Variants in IL36A observed in about 807,000 individuals in gnomAD.
IL36A encodes the protein interleukin-36 alpha.
Under a neutral mutation model 12.7 loss-of-function variants are expected in IL36A, and 13 were observed. That is an observed-to-expected ratio of 1.02 (90% CI 0.67 to 1.63). The LOEUF (loss-of-function observed/expected upper bound fraction) is 1.63. Among genes scored for constraint, IL36A ranks in the 40% most tolerant of loss-of-function variants. The pLI is 0.00. For synonymous variants in IL36A, 73 were observed against 71.9 expected, an observed-to-expected ratio of 1.01 and a Z score of -0.08; for missense variants, 195 against 192.9, an observed-to-expected ratio of 1.01 and a Z score of -0.07.
downstream of IL36A, among the ~76,000 whole-genome samples, chr2:113,009,827 G>A (rs1317155440): frequency 6.6e-6 from 1 of 152,222 alleles, no homozygotes; most frequent in Non-Finnish European, 1.5e-5. Context: ...AAGGGTTTCT[G>A]AGAGTCTACT....
chr2:113,008,817 TAA>T (rs781225712), downstream of IL36A, among the ~76,000 whole-genome samples: 243 of 124,744 alleles, frequency 1.9e-3, 1 homozygote, highest in South Asian at 6.2e-3. Flanking sequence ...TTTTTTTTTT[TAA>T]AAATTTTATT....
At chr2:113,008,180 T>C (rs1684666818), downstream of IL36A, 1 of 735,082 alleles carries the variant, frequency 1.4e-6, no homozygotes, top group African/African-American at 1.7e-5. Context: ...ATTCATGCAG[T>C]GACCTAAGTG....
In IL36A at chr2:113,005,961, A is replaced by G. The variant is rs371448929; in HGVS notation, c.11-13A>G. 1.9e-6 allele frequency: 3 copies of G among 1,611,850 alleles called. No homozygotes were observed. The highest frequency in any genetic ancestry group is 1.7e-6 in the Non-Finnish European group (2 of 1,177,912). ...CTCATTCTTACTAATTTACATTTTG[A>G]CTTTCTCAACAGCATTGAAAATTGA... On this transcript the variant is annotated splice_polypyrimidine_tract_variant and intron_variant, in intron 1 of 3. Coordinates refer to ENST00000259211, the MANE Select transcript of IL36A (RefSeq NM_014440.3).
intron 3 of IL36A, among the ~76,000 whole-genome samples, chr2:113,007,210 C>T (rs2105027578): frequency 6.6e-6 from 1 of 152,262 alleles, no homozygotes; most frequent in African/African-American, 2.4e-5. Flanking sequence ...TTTCAGTAAA[C>T]AAGCATAAGC....
At chr2:113,010,103 A>C (rs118052073), downstream of IL36A, among the ~76,000 whole-genome samples, 1 of 152,134 alleles carries the variant, frequency 6.6e-6, no homozygotes, top group Non-Finnish European at 1.5e-5. Context: ...AAAATAGTTC[A>C]TCTGTGTAGT....
downstream of IL36A, among the ~76,000 whole-genome samples, chr2:113,009,046 C>T (rs895977317): frequency 2.1e-5 from 3 of 144,332 alleles, no homozygotes; most frequent in Admixed American, 7.3e-5. Context: ...GTTCAATTTC[C>T]ACCTATGAGT....
chr2:113,006,177 A>T (rs1353389996), intron 2 of IL36A, 90 bp downstream of exon 2: 2 of 818,212 alleles, frequency 2.4e-6, no homozygotes, highest in African/African-American at 1.7e-5. Flanking sequence ...TGGGCTTGTT[A>T]ACCGGGCATA....
chr2:113,007,406 A>G (rs3768769), intron 3 of IL36A, among the ~76,000 whole-genome samples: 14,378 of 152,310 alleles, frequency 0.094, 865 homozygotes, highest in Middle Eastern at 0.18. Flanking sequence ...TATACAGGAC[A>G]GACCCTGAAA....
chr2:113,006,680 A>T lies in IL36A; in HGVS notation c.207A>T (p.Gly69=). ...RGNPIYLGLN[G]LNLCLMCAKV... is the part of the protein sequence containing the mutation. ...ACCCCATCTACCTGGGCCTGAATGG[A>T]CTCAATCTCTGCCTGATGTGTGCTA... is the stretch of plus-strand genomic sequence containing the variant. Residue 69 remains glycine (G), a synonymous_variant, in exon 3 of 4, where the codon GGA becomes GGT. Transcript: ENST00000259211. The T allele has an allele frequency of 6.2e-7, 1 of 1,614,050 alleles. No homozygotes were observed. The highest frequency in any genetic ancestry group is 8.5e-7 in the Non-Finnish European group (1 of 1,179,998).
chr2:113,006,887 A>G, intron 3 of IL36A, 150 bp downstream of exon 3: 1 of 674,646 alleles, frequency 1.5e-6, no homozygotes, highest in Middle Eastern at 4.3e-4. Context: ...GAAAAATTGC[A>G]GGGACATTTT....
In IL36A at chr2:113,005,858, A is replaced by T. The variant is rs778721171; in HGVS notation, c.-14A>T. 10 of 1,614,168 alleles carry T rather than the reference A, an allele frequency of 6.2e-6. No homozygotes were observed. In the East Asian group the frequency reaches 2.2e-4, roughly 36 times the overall value. ...GACTCCTATCCTTGGCAGTTCTGAA[A>T]CAACACCACCACAATGGAAAAAGGT... is the stretch of plus-strand genomic sequence containing the variant. On this transcript the variant is annotated 5_prime_UTR_variant, in exon 1 of 4. Coordinates refer to ENST00000259211, the MANE Select transcript of IL36A (RefSeq NM_014440.3).
Position 113,006,863 on chromosome 2 carries a change from T to C in IL36A, c.264+126T>C, listed in dbSNP as rs1035181509. Reference sequence around the variant, plus strand: ...TTGGTTTCCTTGGGGTTGGTATATGTTATGAAAGACTAAGAAAAATTGCAG... The same window carrying C: ...TTGGTTTCCTTGGGGTTGGTATATGCTATGAAAGACTAAGAAAAATTGCAG... On this transcript the variant is annotated intron_variant, in intron 3 of 3. Coordinates refer to ENST00000259211, the MANE Select transcript of IL36A (RefSeq NM_014440.3). 3.3e-5 allele frequency: 31 copies of C among 926,774 alleles called. No individual in the cohort carries two copies. The African/African-American group carries it at 5.0e-4, about 15-fold the overall frequency. The allele number at this position is 926,774 out of a possible 1,614,324, so 57.4% of individuals were successfully genotyped here. A position where few individuals can be genotyped will look rare whatever the true frequency, so the allele number is the denominator to read the frequency against.
downstream of IL36A, among the ~76,000 whole-genome samples, chr2:113,009,884 C>T (rs1219930487): frequency 6.6e-6 from 1 of 152,206 alleles, no homozygotes; most frequent in African/African-American, 2.4e-5. Flanking sequence ...ACATGGGTCG[C>T]ATTCATCTAG....
At chr2:113,006,123 G>A in intron 2 of IL36A, 36 bp downstream of exon 2, 1 of 1,334,768 alleles carries the variant, frequency 7.5e-7, no homozygotes, top group Non-Finnish European at 1.1e-6. Flanking sequence ...CAGCTCCTTT[G>A]GCCAGTGCTG....
downstream of IL36A, among the ~76,000 whole-genome samples, chr2:113,010,680 TTC>T (rs1351488612): frequency 6.6e-6 from 1 of 152,224 alleles, no homozygotes; most frequent in Admixed American, 6.5e-5. Flanking sequence ...ACATTGCATT[TTC>T]TCTTAGTATT....
chr2:113,010,994 C>T (rs1477286700), downstream of IL36A, among the ~76,000 whole-genome samples: 1 of 152,146 alleles, frequency 6.6e-6, no homozygotes, highest in Non-Finnish European at 1.5e-5. Context: ...GTGACTGGCT[C>T]ATTTCACATA....
chr2:113,006,113 CA>C, intron 2 of IL36A, 26 bp downstream of exon 2: 1 of 1,461,004 alleles, frequency 6.8e-7, no homozygotes, highest in South Asian at 1.1e-5. Context: ...CTGTGAAAGG[CA>C]GCTCCTTTGG....
chr2:113,010,712 A>T (rs1684713825), downstream of IL36A, among the ~76,000 whole-genome samples: 1 of 152,198 alleles, frequency 6.6e-6, no homozygotes, highest in African/African-American at 2.4e-5. Context: ...ACATCCTATA[A>T]TTACTTGTAT....
chr2:113,006,791 G>C, intron 3 of IL36A, 54 bp downstream of exon 3: 1 of 1,591,906 alleles, frequency 6.3e-7, no homozygotes, highest in Non-Finnish European at 8.6e-7. Context: ...CAGATTTCAG[G>C]ATCTTTTAAA....
Sources: allele counts gnomAD v4.1 joint callset (sites outside exome capture counted in the v4.1 genomes callset), GRCh38; gene constraint gnomAD v4.1.1; transcripts MANE v1.5; gene names NCBI Gene and HGNC (gene_info 2026-07-23, HGNC 2026-07-21).